Variants in MUC5AC observed in about 807,000 individuals in gnomAD.
MUC5AC encodes the protein mucin-5AC.
A neutral mutation model predicts 169.7 loss-of-function variants in MUC5AC; 158 were observed. That is an observed-to-expected ratio of 0.93 (90% confidence interval 0.82 to 1.06). The LOEUF (loss-of-function observed/expected upper bound fraction) is 1.06, where lower values mean the gene tolerates loss of function less well. MUC5AC is among the 50% of genes least tolerant of loss of function. The probability of loss-of-function intolerance (pLI) is 0.00; values close to 1 mark genes in which losing one functional copy is unlikely to be tolerated. For synonymous variants in MUC5AC, 1,975 were observed against 1,237.0 expected (o/e 1.60, Z -12.52); for missense variants, 4,359 against 3,089.9 (o/e 1.41, Z -9.74).
rs372671728 is a variant in MUC5AC at position 1,191,867 on chromosome 11, C to A, written c.13722C>A (p.Thr4574=). 1.3e-6 allele frequency: 1 copy of A among 758,880 alleles called. No individual in the cohort carries two copies. The allele number at this position is 758,880 out of a possible 1,614,324, so 47.0% of individuals were successfully genotyped here. A position where few individuals can be genotyped will look rare whatever the true frequency, so the allele number is the denominator to read the frequency against. The change falls in exon 31 of 49, where the codon ACC becomes ACA. Residue 4574 remains threonine (T), a synonymous_variant. Coordinates refer to ENST00000621226, the MANE Select transcript of MUC5AC (RefSeq NM_001304359.2). ...GPGTTPSPVP[T]TSTTSAPTTS... ...GAACTACTCCCAGCCCTGTTCCCAC[C>A]ACCAGCACAACCTCTGCTCCTACAA...
Position 1,183,887 on chromosome 11 carries a change from C to A in MUC5AC, c.5742C>A (p.Ser1914Arg). Residue 1914 changes from serine to arginine, a missense_variant, in exon 31 of 49, where the codon AGC becomes AGA. Ser to Arg is a moderately radical substitution (Grantham distance 110, BLOSUM62 -1). Transcript: ENST00000621226. ...TSVKKTFSTP[S>R]PPPVPATSTS... ...TCAAAAAAACTTTCTCAACTCCCAG[C>A]CCTCCGCCAGTGCCGGCAACATCAA... is the stretch of plus-strand genomic sequence containing the variant. 1 of 402,674 alleles carries A rather than the reference C, an allele frequency of 2.5e-6. No homozygotes were observed. Among genetic ancestry groups the A allele is most frequent in the Non-Finnish European group, 4.3e-6 (1 of 231,252 alleles). 24.9% of individuals were successfully genotyped at this position (402,674 alleles called of 1,614,324 possible).
In MUC5AC at chr11:1,200,916, A is replaced by C; in HGVS notation, c.*214A>C. On this transcript the variant is annotated 3_prime_UTR_variant, in exon 49 of 49. Coordinates refer to ENST00000621226, the MANE Select transcript of MUC5AC (RefSeq NM_001304359.2). ...ACCCCGCCTGCAGCCACCTCTCAGGACCAGCCCCGGGGCTGGCCGAGCTCC... is the reference window on the plus strand; with the variant it reads ...ACCCCGCCTGCAGCCACCTCTCAGGCCCAGCCCCGGGGCTGGCCGAGCTCC... 6.5e-6 allele frequency: 3 copies of C among 458,212 alleles called. No individual in the cohort carries two copies. Among genetic ancestry groups the C allele is most frequent in the East Asian group, 6.5e-5 (2 of 30,802 alleles). 28.4% of individuals were successfully genotyped at this position (458,212 alleles called of 1,614,324 possible). A position where few individuals can be genotyped will look rare whatever the true frequency, so the allele number is the denominator to read the frequency against.
rs766453567 is a variant in MUC5AC, at chr11:1,197,656, G to C, written c.16033+17G>C. The C allele has an allele frequency of 1.5e-6, 1 of 683,480 alleles. No homozygotes were observed. The highest frequency in any genetic ancestry group is 2.0e-5 in the Admixed American group (1 of 50,370). 42.3% of individuals were successfully genotyped at this position (683,480 alleles called of 1,614,324 possible). A position where few individuals can be genotyped will look rare whatever the true frequency, so the allele number is the denominator to read the frequency against. On this transcript the variant is annotated intron_variant, in intron 41 of 48. Transcript: ENST00000621226. ...ACAGCTGCGGTAAGCCCTTTGCTGGGTGAGGGGCATGGTGTGGCAGGCAGG... is the reference window on the plus strand; with the variant it reads ...ACAGCTGCGGTAAGCCCTTTGCTGGCTGAGGGGCATGGTGTGGCAGGCAGG...
chr11:1,159,087 G>A (rs573091565), intron 1 of MUC5AC, among the ~76,000 whole-genome samples: 19 of 152,022 alleles, frequency 1.2e-4, no homozygotes, highest in Admixed American at 4.6e-4. Flanking sequence ...GACTAGATAA[G>A]TGAGGCTCAG....
chr11:1,177,410 C>T (rs1200092446), intron 23 of MUC5AC, 44 bp from the exon 24 acceptor site: 2 of 403,784 alleles, frequency 5.0e-6, no homozygotes, highest in Non-Finnish European at 8.7e-6. Flanking sequence ...GTCAGGTGGG[C>T]TGGGGTTCTT....
At chr11:1,158,927 G>A (rs1860043343) in intron 1 of MUC5AC, among the ~76,000 whole-genome samples, 1 of 152,194 alleles carries the variant, frequency 6.6e-6, no homozygotes, top group Non-Finnish European at 1.5e-5. Context: ...ACCCTCCACT[G>A]TGGCCTAGTC....
Position 1,185,605 on chromosome 11 carries a change from G to A in MUC5AC, c.7460G>A (p.Gly2487Asp), listed in dbSNP as rs1190311534. The A allele has an allele frequency of 5.5e-6, 4 of 724,884 alleles. No individual in the cohort carries two copies. In the African/African-American group the frequency reaches 7.2e-5, roughly 13 times the overall value. 44.9% of individuals were successfully genotyped at this position (724,884 alleles called of 1,614,324 possible). A position where few individuals can be genotyped will look rare whatever the true frequency, so the allele number is the denominator to read the frequency against. The change falls in exon 31 of 49, where the codon GGT becomes GAT. Residue 2487 changes from glycine (G) to aspartate (D), a missense_variant. Coordinates refer to ENST00000621226, the MANE Select transcript of MUC5AC (RefSeq NM_001304359.2). The part of the protein sequence containing the change: ...TSAATTSTTS[G>D]PETTPRPVPT... Reference sequence around the variant, plus strand: ...GCCGCTACAACCAGCACAACCTCTGGTCCTGAAACTACTCCTAGACCTGTT... The same window carrying A: ...GCCGCTACAACCAGCACAACCTCTGATCCTGAAACTACTCCTAGACCTGTT...
In MUC5AC at chr11:1,180,214, C is replaced by G. The variant is rs1053493088; in HGVS notation, c.3613+64C>G. The G allele has an allele frequency of 2.0e-5, 8 of 398,290 alleles. No individual in the cohort carries two copies. In the Admixed American group the frequency reaches 2.2e-4, roughly 11 times the overall value. 24.7% of individuals were successfully genotyped at this position (398,290 alleles called of 1,614,324 possible). On this transcript the variant is annotated intron_variant, in intron 27 of 48. Coordinates refer to ENST00000621226, the MANE Select transcript of MUC5AC (RefSeq NM_001304359.2). The stretch of plus-strand genomic sequence containing the variant: ...CGCCTGTGGCCTTCTCCTGGCCCCT[C>G]GAGGAGCCTCTGTGGCCCCAGCTTC...
At position 1,177,215 on chromosome 11, in the gene MUC5AC, G is replaced by A. The variant is rs1294674050; in HGVS notation, c.2794-16G>A. ...GGCAGGGCCTGCCTGGTCCTTGATG[G>A]CCTCTGCTTCCCCAGAACCACTGTG... On this transcript the variant is annotated splice_polypyrimidine_tract_variant and intron_variant, in intron 22 of 48. Transcript: ENST00000621226. 3 of 401,696 alleles carry A rather than the reference G, an allele frequency of 7.5e-6. No individual in the cohort carries two copies. The highest frequency in any genetic ancestry group is 4.4e-5 in the Admixed American group (1 of 22,892). The allele number at this position is 401,696 out of a possible 1,614,324, so 24.9% of individuals were successfully genotyped here.
chr11:1,199,675 G>T lies in MUC5AC; in HGVS notation c.16516-20G>T. Reference sequence around the variant, plus strand: ...GCCGCCGAGCGCCTCGGCACTGAGGGCGCCCCTCTGTCGGCACAGGACGAG... The same window carrying T: ...GCCGCCGAGCGCCTCGGCACTGAGGTCGCCCCTCTGTCGGCACAGGACGAG... On this transcript the variant is annotated intron_variant, in intron 46 of 48. Transcript: ENST00000621226. 1 of 704,658 alleles carries T rather than the reference G, an allele frequency of 1.4e-6. No homozygotes were observed. Among genetic ancestry groups the T allele is most frequent in the Non-Finnish European group, 2.6e-6 (1 of 386,438 alleles). The allele number at this position is 704,658 out of a possible 1,614,324, so 43.7% of individuals were successfully genotyped here.
At position 1,160,634 on chromosome 11, in the gene MUC5AC, C is replaced by G; in HGVS notation, c.96C>G (p.Ser32=). The G allele has an allele frequency of 2.5e-6, 4 of 1,610,052 alleles. No individual in the cohort carries two copies. The highest frequency in any genetic ancestry group is 3.4e-6 in the Non-Finnish European group (4 of 1,179,566). ...CAGGCCATGCCCAGGATGGCTCCTC[C>G]GAATCCAGCTACAAGCACCACCCTG... ...RHTGHAQDGS[S]ESSYKHHPAL... Residue 32 remains serine, a synonymous_variant, in exon 2 of 49, where the codon TCC becomes TCG. Coordinates refer to ENST00000621226, the MANE Select transcript of MUC5AC (RefSeq NM_001304359.2).
rs1860931679 is a variant in MUC5AC, at chr11:1,185,917, G to A, written c.7772G>A (p.Gly2591Asp). 1.4e-6 allele frequency: 1 copy of A among 725,900 alleles called. No homozygotes were observed. The highest frequency in any genetic ancestry group is 2.5e-6 in the Non-Finnish European group (1 of 401,690). 45.0% of individuals were successfully genotyped at this position (725,900 alleles called of 1,614,324 possible). Residue 2591 changes from glycine to aspartate, a missense_variant, in exon 31 of 49, where the codon GGT becomes GAT. By Grantham distance (94) the Gly-to-Asp change is moderately conservative. Coordinates refer to ENST00000621226, the MANE Select transcript of MUC5AC (RefSeq NM_001304359.2). ...GCTCCTACAACCAGCACAACCTCTG[G>A]TCCTGGAACTACTCCCAGTGCTGTT... The part of the protein sequence containing the change: ...TSAPTTSTTS[G>D]PGTTPSAVPT...
At chr11:1,163,845 G>C in intron 6 of MUC5AC, 37 bp from the exon 7 acceptor site, 2 of 1,516,774 alleles carry the variant, frequency 1.3e-6, no homozygotes, top group Non-Finnish European at 1.8e-6. Flanking sequence ...CGGGTACCGG[G>C]ACCTGCAGGC....
chr11:1,196,382 C>T lies in MUC5AC; in HGVS notation c.15638-6C>T, dbSNP rs1398154780. ...CCCTCTCAGGTGTGGCTTCCCCTCC[C>T]CACAGCATTCACCTGCCCAGCCGAC... is the stretch of plus-strand genomic sequence containing the variant. On this transcript the variant is annotated splice_region_variant and splice_polypyrimidine_tract_variant and intron_variant, in intron 37 of 48. Transcript: ENST00000621226. 3.9e-6 allele frequency: 3 copies of T among 764,812 alleles called. No homozygotes were observed. Among genetic ancestry groups the T allele is most frequent in the Non-Finnish European group, 7.2e-6 (3 of 417,700 alleles). The allele number at this position is 764,812 out of a possible 1,614,324, so 47.4% of individuals were successfully genotyped here. A position where few individuals can be genotyped will look rare whatever the true frequency, so the allele number is the denominator to read the frequency against.
intron 24 of MUC5AC, 99 bp downstream of exon 24, chr11:1,177,732 G>C: frequency 5.2e-6 from 2 of 386,764 alleles, no homozygotes; most frequent in East Asian, 3.8e-5. Flanking sequence ...GAGACACAGA[G>C]AGAAACACAG....
intron 32 of MUC5AC, among the ~76,000 whole-genome samples, 151 bp from the exon 33 acceptor site, chr11:1,193,334 G>T (rs1477778966): frequency 6.6e-6 from 1 of 152,244 alleles, no homozygotes; most frequent in South Asian, 2.1e-4. Flanking sequence ...GGTGTCTGGG[G>T]TGGGTGCTGA....
At chr11:1,173,041 C>T (rs1490862412) in intron 16 of MUC5AC, among the ~76,000 whole-genome samples, 2 of 151,332 alleles carry the variant, frequency 1.3e-5, no homozygotes, top group African/African-American at 2.4e-5. Context: ...CATTCACTCA[C>T]TCATTCACTA....
Position 1,185,916 on chromosome 11 carries a change from G to A in MUC5AC, c.7771G>A (p.Gly2591Ser). The change falls in exon 31 of 49, where the codon GGT becomes AGT. Residue 2591 changes from glycine to serine, a missense_variant. Gly to Ser is a moderately conservative substitution (Grantham distance 56). Coordinates refer to ENST00000621226, the MANE Select transcript of MUC5AC (RefSeq NM_001304359.2). ...TGCTCCTACAACCAGCACAACCTCT[G>A]GTCCTGGAACTACTCCCAGTGCTGT... is the stretch of plus-strand genomic sequence containing the variant. ...TSAPTTSTTS[G>S]PGTTPSAVPT... 1.3e-6 allele frequency: 1 copy of A among 745,064 alleles called. No homozygotes were observed. Among genetic ancestry groups the A allele is most frequent in the South Asian group, 1.4e-5 (1 of 71,630 alleles). The allele number at this position is 745,064 out of a possible 1,614,324, so 46.2% of individuals were successfully genotyped here. A position where few individuals can be genotyped will look rare whatever the true frequency, so the allele number is the denominator to read the frequency against.
At chr11:1,162,461 G>T in intron 4 of MUC5AC, 71 bp from the exon 5 acceptor site, 4 of 1,356,442 alleles carry the variant, frequency 2.9e-6, no homozygotes, top group East Asian at 2.4e-5. Flanking sequence ...ATTTGCGACC[G>T]CAGGCATCTG....
Sources: allele counts gnomAD v4.1 joint callset (sites outside exome capture counted in the v4.1 genomes callset), GRCh38; gene constraint gnomAD v4.1.1; transcripts MANE v1.5; gene names NCBI Gene and HGNC (gene_info 2026-07-23, HGNC 2026-07-21).